FABP12: variants seen among roughly 807,000 people sequenced by gnomAD.
FABP12 encodes the protein fatty acid binding protein 12.
Under a neutral mutation model 13.7 loss-of-function variants are expected in FABP12, and 19 were observed. The observed-to-expected ratio is 1.39, with a 90% CI of 0.97 to 2.04. FABP12 has a LOEUF of 2.04. Ranked by LOEUF, FABP12 falls within the 30% of genes most tolerant of loss-of-function variation. FABP12 has a pLI of 0.00. For missense variants in FABP12, 182 were observed against 164.2 expected, an observed-to-expected ratio of 1.11 and a Z score of -0.59; for synonymous variants, 61 against 57.0, an observed-to-expected ratio of 1.07 and a Z score of -0.32.
chr8:81,583,798 C>T (rs1424670676), intron 1 of FABP12, among the ~76,000 whole-genome samples: 3 of 152,128 alleles, frequency 2.0e-5, no homozygotes, highest in African/African-American at 4.8e-5. Flanking sequence ...TCTTCAAACT[C>T]TTCCAAAATT....
intron 1 of FABP12, among the ~76,000 whole-genome samples, chr8:81,558,426 C>G (rs7818152): frequency 0.054 from 8,200 of 152,150 alleles, 251 homozygotes; most frequent in South Asian, 0.1. Context: ...TCGCAGGAGC[C>G]CCCTCCTCCA....
exon 5 of FABP12, chr8:81,525,070 T>A (rs370865801): frequency 2.9e-5 from 46 of 1,598,554 alleles, no homozygotes; most frequent in Non-Finnish European, 3.1e-5. Flanking sequence ...CTGAGTTTGA[T>A]GATACTTTCT....
At chr8:81,568,915 C>T (rs1457054260) in intron 1 of FABP12, among the ~76,000 whole-genome samples, 2 of 152,128 alleles carry the variant, frequency 1.3e-5, no homozygotes, top group African/African-American at 4.8e-5. Context: ...ATTAAAGCAA[C>T]TTAACTCATG....
In FABP12 at chr8:81,529,599, C is replaced by T. The variant is rs1285584899; in HGVS notation, c.85G>A (p.Ala29Thr). The change falls in exon 3 of 5, where the codon GCC (alanine) becomes ACC (threonine). Residue 29 changes from alanine (A) to threonine (T), a missense_variant. Transcript: ENST00000360464. ...GCCAAACGGCCCAGTTTCCTGCTGG[C>T]TCTTCCTATACCTGGAAACCAGATA... The T allele has an allele frequency of 2.5e-6, 4 of 1,613,326 alleles. No homozygotes were observed. In the Admixed American group the frequency reaches 5.0e-5, roughly 20 times the overall value.
chr8:81,525,170 A>G, intron 4 of FABP12, 50 bp from the exon 5 acceptor site: 2 of 1,250,250 alleles, frequency 1.6e-6, no homozygotes, highest in Non-Finnish European at 2.3e-6. Flanking sequence ...AGTGAAATTA[A>G]CATTTAGAAA....
At chr8:81,546,953 T>C (rs140799896) in intron 1 of FABP12, among the ~76,000 whole-genome samples, 72 of 152,326 alleles carry the variant, frequency 4.7e-4, no homozygotes, top group African/African-American at 1.7e-3. Context: ...CAGGCTGTTA[T>C]TACTTGCTCA....
At chr8:81,568,842 T>G (rs1229424543) in intron 1 of FABP12, among the ~76,000 whole-genome samples, 1 of 152,192 alleles carries the variant, frequency 6.6e-6, no homozygotes, top group East Asian at 1.9e-4. Context: ...TTATGTTAAG[T>G]GAAATAAGTC....
chr8:81,553,508 A>G (rs1303060193), intron 1 of FABP12, among the ~76,000 whole-genome samples: 1 of 152,192 alleles, frequency 6.6e-6, no homozygotes, highest in African/African-American at 2.4e-5. Context: ...GGTAATTATT[A>G]TCATTTTTTT....
At chr8:81,580,381 T>C (rs73281026) in intron 1 of FABP12, among the ~76,000 whole-genome samples, 1,890 of 152,342 alleles carry the variant, frequency 0.012, 42 homozygotes, top group African/African-American at 0.042. Context: ...TTTACTTTTA[T>C]AAGTTTTAAT....
At chr8:81,550,427 T>C (rs1288301739) in intron 1 of FABP12, among the ~76,000 whole-genome samples, 2 of 152,210 alleles carry the variant, frequency 1.3e-5, no homozygotes, top group South Asian at 2.1e-4. Flanking sequence ...AGAACTTTCA[T>C]GAGTGGAGAT....
At chr8:81,529,587 G>C (rs1809008129) in exon 3 of FABP12, 1 of 1,613,572 alleles carries the variant, frequency 6.2e-7, no homozygotes, top group South Asian at 1.1e-5. Flanking sequence ...AAACGGCCCA[G>C]TTTCCTGCTG....
upstream of FABP12, among the ~76,000 whole-genome samples, chr8:81,535,307 GT>G (rs1809195641): frequency 6.6e-6 from 1 of 152,162 alleles, no homozygotes; most frequent in African/African-American, 2.4e-5. Context: ...CGAATACAAT[GT>G]TTTTTATTCA....
rs529483546 is a variant in FABP12, at chr8:81,577,415, G to A, written c.-185+12638C>T. On this transcript the variant is annotated intron_variant, in intron 1 of 5. Transcript: ENST00000692030. ...TTAGATAAAGAATATTATGTTTCTT[G>A]GCCTTTAGCTGCTTTAATATATTTA... Among the ~76,000 whole-genome samples the A allele has an allele frequency of 7.2e-5, 11 of 152,198 alleles. No individual in the cohort carries two copies. In the South Asian group the frequency reaches 2.3e-3, roughly 32 times the overall value.
At chr8:81,581,045 G>T (rs538589663) in intron 1 of FABP12, among the ~76,000 whole-genome samples, 1,809 of 152,246 alleles carry the variant, frequency 0.012, 30 homozygotes, top group African/African-American at 0.041. Context: ...TGGCCTAAAA[G>T]CATGGCCTGG....
chr8:81,531,273 C>T (rs1361977941), exon 2 of FABP12: 1 of 1,607,116 alleles, frequency 6.2e-7, no homozygotes, highest in Non-Finnish European at 8.5e-7. Context: ...TCGGAATTTT[C>T]ACAAGAAATG....
intron 1 of FABP12, among the ~76,000 whole-genome samples, chr8:81,553,691 G>A (rs1809561547): frequency 1.3e-5 from 2 of 152,160 alleles, no homozygotes; most frequent in African/African-American, 4.8e-5. Context: ...ATTCTACCCT[G>A]TGTCTCATAC....
intron 1 of FABP12, among the ~76,000 whole-genome samples, chr8:81,558,167 T>G (rs1809653914): frequency 6.6e-6 from 1 of 152,072 alleles, no homozygotes; most frequent in South Asian, 2.1e-4. Flanking sequence ...AATGCTAGGG[T>G]TTTTTCCCTG....
intron 1 of FABP12, among the ~76,000 whole-genome samples, chr8:81,563,517 A>G (rs1809762455): frequency 6.6e-6 from 1 of 152,214 alleles, no homozygotes; most frequent in African/African-American, 2.4e-5. Flanking sequence ...AATTTTGAGG[A>G]AACAATGAAA....
intron 1 of FABP12, among the ~76,000 whole-genome samples, chr8:81,580,700 C>T (rs796513244): frequency 1.3e-5 from 2 of 152,064 alleles, no homozygotes; most frequent in African/African-American, 2.4e-5. Context: ...CATTGTCCCC[C>T]CAAAGGCAAA....
Sources: gnomAD v4.1 joint callset for allele counts (sites outside exome capture counted in the v4.1 genomes callset) on GRCh38, gnomAD v4.1.1 for gene constraint, MANE v1.5 for transcripts, NCBI Gene and HGNC (gene_info 2026-07-23, HGNC 2026-07-21) for gene names.